SCAMP1: variants seen among roughly 807,000 people sequenced by gnomAD.
SCAMP1 encodes the protein secretory carrier membrane protein 1.
In SCAMP1, 15 loss-of-function variants were observed where a neutral mutation model predicts 41.8. That is an observed-to-expected ratio of 0.36 (90% CI 0.24 to 0.55). The LOEUF (loss-of-function observed/expected upper bound fraction) is 0.55. SCAMP1 is among the 20% of genes least tolerant of loss of function. The pLI, the probability that SCAMP1 is intolerant of heterozygous loss-of-function variation, is 0.86. For synonymous variants in SCAMP1, 135 were observed against 136.8 expected, an observed-to-expected ratio of 0.99 and a Z score of 0.09; for missense variants, 341 against 412.6, an observed-to-expected ratio of 0.83 and a Z score of 1.50.
intron 2 of SCAMP1, among the ~76,000 whole-genome samples, chr5:78,407,749 C>T (rs1561263821): frequency 6.6e-6 from 1 of 151,728 alleles, no homozygotes; most frequent in African/African-American, 2.4e-5. Context: ...GATTCACTTC[C>T]ATTCCTTTAT....
chr5:78,438,873 A>G (rs1248696029), intron 6 of SCAMP1, among the ~76,000 whole-genome samples: 1 of 152,078 alleles, frequency 6.6e-6, no homozygotes, highest in Non-Finnish European at 1.5e-5. Context: ...GTCTCTAAGG[A>G]CTTGCTTTAT....
intron 2 of SCAMP1, among the ~76,000 whole-genome samples, chr5:78,394,895 C>T (rs1030287157): frequency 1.3e-5 from 2 of 152,222 alleles, no homozygotes; most frequent in African/African-American, 4.8e-5. Flanking sequence ...GTCACTTATA[C>T]CTGCTGGAGA....
intron 2 of SCAMP1, 105 bp from the exon 3 acceptor site, chr5:78,415,415 A>C: frequency 1.5e-6 from 1 of 661,006 alleles, no homozygotes; most frequent in South Asian, 1.9e-5. Flanking sequence ...GGGAATGAAG[A>C]GATGCAGATT....
At chr5:78,404,240 A>T (rs556802666) in intron 2 of SCAMP1, among the ~76,000 whole-genome samples, 2 of 152,084 alleles carry the variant, frequency 1.3e-5, no homozygotes, top group South Asian at 4.1e-4. Flanking sequence ...ACATATATTT[A>T]AAAATATTTA....
intron 1 of SCAMP1, among the ~76,000 whole-genome samples, chr5:78,363,810 T>TC (rs1750724795): frequency 6.6e-6 from 1 of 152,204 alleles, no homozygotes; most frequent in Non-Finnish European, 1.5e-5. Context: ...TGGATTCAGT[T>TC]CATTTTTTTT....
chr5:78,435,494 C>A lies in SCAMP1; in HGVS notation c.632+13534C>A, dbSNP rs9763867. ...TGCAGTGTTTGGTTTTCTGTCCTTG[C>A]GATAGTTTGCTCAGAATGATAGTTT... On this transcript the variant is annotated intron_variant, in intron 6 of 8. Coordinates refer to ENST00000621999, the MANE Select transcript of SCAMP1 (RefSeq NM_004866.6). Among the ~76,000 whole-genome samples, 1,350 of 152,294 alleles carry A rather than the reference C, an allele frequency of 8.9e-3. 16 individuals are homozygous for A. Among genetic ancestry groups the A allele is most frequent in the African/African-American group, 0.031 (1,270 of 41,554 alleles).
In SCAMP1 at chr5:78,413,220, T is replaced by G. The variant is rs1469116009; in HGVS notation, c.136-2300T>G. Among the ~76,000 whole-genome samples, 3 of 152,164 alleles carry G rather than the reference T, an allele frequency of 2.0e-5. No homozygotes were observed. The East Asian group carries it at 5.8e-4, about 29-fold the overall frequency. On this transcript the variant is annotated intron_variant, in intron 2 of 8. Coordinates refer to ENST00000621999, the MANE Select transcript of SCAMP1 (RefSeq NM_004866.6). ...TTAACACATTGTTTCTTCACTGTTTTGTAGTGACACCTCTGTTAGATATCA... is the reference window on the plus strand; with the variant it reads ...TTAACACATTGTTTCTTCACTGTTTGGTAGTGACACCTCTGTTAGATATCA...
intron 3 of SCAMP1, among the ~76,000 whole-genome samples, chr5:78,415,988 A>G (rs1752200408): frequency 6.6e-6 from 1 of 152,216 alleles, no homozygotes; most frequent in African/African-American, 2.4e-5. Flanking sequence ...GAAGATGGCA[A>G]AAATCTGAGA....
intron 2 of SCAMP1, among the ~76,000 whole-genome samples, chr5:78,402,160 A>G (rs1202043469): frequency 1.4e-5 from 2 of 142,590 alleles, no homozygotes; most frequent in Non-Finnish European, 3.1e-5. Flanking sequence ...TTGATTTCTC[A>G]TTTAATTCCC....
intron 1 of SCAMP1, among the ~76,000 whole-genome samples, chr5:78,363,361 C>A (rs561032597): frequency 4.0e-5 from 6 of 151,846 alleles, no homozygotes; most frequent in Admixed American, 3.3e-4. Flanking sequence ...TACAGGCGCC[C>A]GCCACCACCG....
At chr5:78,393,469 G>T (rs1462526137) in intron 2 of SCAMP1, among the ~76,000 whole-genome samples, 1 of 152,134 alleles carries the variant, frequency 6.6e-6, no homozygotes, top group African/African-American at 2.4e-5. Flanking sequence ...ACAGTGCTTG[G>T]CCTGCATAAT....
At chr5:78,427,581 T>A (rs926171636) in intron 6 of SCAMP1, among the ~76,000 whole-genome samples, 2 of 152,170 alleles carry the variant, frequency 1.3e-5, no homozygotes, top group Non-Finnish European at 2.9e-5. Flanking sequence ...GAAACTTTTT[T>A]TTTAAAACGT....
chr5:78,464,411 A>G (rs1428024729), intron 8 of SCAMP1, among the ~76,000 whole-genome samples: 1 of 152,170 alleles, frequency 6.6e-6, no homozygotes, highest in South Asian at 2.1e-4. Flanking sequence ...GGCATGAGCC[A>G]CCACGCACAG....
intron 8 of SCAMP1, among the ~76,000 whole-genome samples, chr5:78,462,438 T>A (rs1178008984): frequency 6.6e-6 from 1 of 152,198 alleles, no homozygotes; most frequent in Non-Finnish European, 1.5e-5. Context: ...CAAGCAATTC[T>A]CATGTTTTAG....
chr5:78,394,338 T>TA (rs1751591843), intron 2 of SCAMP1, among the ~76,000 whole-genome samples: 2 of 151,866 alleles, frequency 1.3e-5, no homozygotes, highest in Non-Finnish European at 2.9e-5. Flanking sequence ...AATCTTTTTT[T>TA]TATATATATA....
At chr5:78,397,079 G>T (rs1256322045) in intron 2 of SCAMP1, among the ~76,000 whole-genome samples, 1 of 152,030 alleles carries the variant, frequency 6.6e-6, no homozygotes, top group Non-Finnish European at 1.5e-5. Flanking sequence ...GGGAAAGGAG[G>T]TTAAGATAAA....
chr5:78,402,464 T>A (rs1216561034), intron 2 of SCAMP1, among the ~76,000 whole-genome samples: 1 of 152,198 alleles, frequency 6.6e-6, no homozygotes, highest in Non-Finnish European at 1.5e-5. Flanking sequence ...CTCCTTGCAG[T>A]TCCATTAGTT....
intron 8 of SCAMP1, among the ~76,000 whole-genome samples, chr5:78,474,259 G>A (rs927122717): frequency 7.9e-5 from 12 of 151,984 alleles, no homozygotes; most frequent in Admixed American, 2.0e-4. Context: ...ATTGGTGGTT[G>A]GGATTTTAAC....
At chr5:78,438,362 T>G (rs1244904628) in intron 6 of SCAMP1, among the ~76,000 whole-genome samples, 1 of 152,210 alleles carries the variant, frequency 6.6e-6, no homozygotes, top group Non-Finnish European at 1.5e-5. Context: ...GCGCTATAAA[T>G]TTCCCTCTAC....
Sources: allele counts gnomAD v4.1 joint callset (sites outside exome capture counted in the v4.1 genomes callset), GRCh38; gene constraint gnomAD v4.1.1; transcripts MANE v1.5; gene names NCBI Gene and HGNC (gene_info 2026-07-23, HGNC 2026-07-21).